The following SRC variants were observed in gnomAD, a reference collection of about 807,000 sequenced individuals.
SRC encodes SRC proto-oncogene, non-receptor tyrosine kinase.
A neutral mutation model predicts 62.9 loss-of-function variants in SRC; 13 were observed. That is an observed-to-expected ratio of 0.21 (90% CI 0.13 to 0.33). The LOEUF is 0.33. Ranked by LOEUF, SRC falls within the 10% of genes least tolerant of loss-of-function variation. The pLI, the probability that SRC is intolerant of heterozygous loss-of-function variation, is 1.00. For missense variants in SRC, 457 were observed against 737.3 expected (o/e 0.62, Z 4.40); for synonymous variants, 302 against 317.5 (o/e 0.95, Z 0.52).
chr20:37,386,247 G>T (rs1477482276), intron 5 of SRC, 73 bp downstream of exon 5: 3 of 1,424,204 alleles, frequency 2.1e-6, no homozygotes, highest in Non-Finnish European at 3.0e-6. Context: ...GCTCATGCAG[G>T]ATCTGGCATC....
At position 37,353,862 on chromosome 20, in the gene SRC, C is replaced by G. The variant is rs533048842; in HGVS notation, c.-247+7607C>G. Among the ~76,000 whole-genome samples, 3 of 152,330 alleles carry G rather than the reference C, an allele frequency of 2.0e-5. No individual in the cohort carries two copies. In the South Asian group the frequency reaches 6.2e-4, roughly 32 times the overall value. ...AGACAGGGAGACTTCTCCTCTACCCCCAACTGCTGTCACCCACTAGCTGTG... is the reference window on the plus strand; with the variant it reads ...AGACAGGGAGACTTCTCCTCTACCCGCAACTGCTGTCACCCACTAGCTGTG... On this transcript the variant is annotated intron_variant, in intron 1 of 13. Transcript: ENST00000373578.
At chr20:37,357,551 A>G (rs552423921) in intron 1 of SRC, among the ~76,000 whole-genome samples, 41 of 152,342 alleles carry the variant, frequency 2.7e-4, no homozygotes, top group Admixed American at 6.5e-5. Context: ...GCTGCAGAGT[A>G]TTAAATTATA....
At chr20:37,388,065 G>A (rs999701072) in intron 5 of SRC, among the ~76,000 whole-genome samples, 41 of 152,322 alleles carry the variant, frequency 2.7e-4, no homozygotes, top group African/African-American at 9.4e-4. Context: ...GGCCACAGGA[G>A]GGAGAGGCCC....
At chr20:37,345,830 C>T (rs2069707607), upstream of SRC, among the ~76,000 whole-genome samples, 1 of 148,986 alleles carries the variant, frequency 6.7e-6, no homozygotes, top group South Asian at 2.2e-4. Flanking sequence ...TTGGGGAGGG[C>T]ATTTTGGCCT....
intron 10 of SRC, 22 bp downstream of exon 10, chr20:37,400,316 C>A: frequency 6.3e-7 from 1 of 1,587,768 alleles, no homozygotes; most frequent in African/African-American, 1.3e-5. Context: ...GCGGCCGGGG[C>A]AGGGGGCAGG....
At chr20:37,367,187 C>T (rs2070076784) in intron 2 of SRC, among the ~76,000 whole-genome samples, 1 of 149,102 alleles carries the variant, frequency 6.7e-6, no homozygotes, top group Non-Finnish European at 1.5e-5. Flanking sequence ...ATCCTCTCAT[C>T]TCAGCCTCCC....
chr20:37,358,054 C>T (rs900660770), intron 1 of SRC, among the ~76,000 whole-genome samples: 1 of 152,120 alleles, frequency 6.6e-6, no homozygotes, highest in Non-Finnish European at 1.5e-5. Flanking sequence ...TGGTATTAAG[C>T]AGGAACGAAG....
chr20:37,353,063 G>A (rs1033128671), intron 1 of SRC, among the ~76,000 whole-genome samples: 1 of 152,044 alleles, frequency 6.6e-6, no homozygotes, highest in Non-Finnish European at 1.5e-5. Flanking sequence ...TGCCTCTAAG[G>A]GAATATGGTA....
intron 2 of SRC, among the ~76,000 whole-genome samples, chr20:37,381,112 C>T (rs532330760): frequency 6.6e-6 from 1 of 152,284 alleles, no homozygotes; most frequent in South Asian, 2.1e-4. Context: ...TAACCTCAAC[C>T]GTCTGCCTCT....
chr20:37,360,100 G>A (rs1489134447), intron 1 of SRC, among the ~76,000 whole-genome samples: 1 of 151,446 alleles, frequency 6.6e-6, no homozygotes, highest in Non-Finnish European at 1.5e-5. Flanking sequence ...CTTATTTCAC[G>A]TGTGAAATAT....
chr20:37,360,251 TCTCA>T (rs1302064327), intron 1 of SRC, among the ~76,000 whole-genome samples: 1 of 125,868 alleles, frequency 7.9e-6, no homozygotes, highest in Non-Finnish European at 1.6e-5. Flanking sequence ...TGAGACAGGG[TCTCA>T]CTCTGTCACC....
In SRC at chr20:37,403,766, G is replaced by A. The variant is rs2070780711; in HGVS notation, c.*387G>A. The A allele has an allele frequency of 1.7e-5, 5 of 294,854 alleles. No homozygotes were observed. The highest frequency in any genetic ancestry group is 6.2e-5 in the African/African-American group (3 of 48,452). 18.3% of individuals were successfully genotyped at this position (294,854 alleles called of 1,614,324 possible). Reference sequence around the variant, plus strand: ...CCTTCCCCACTTCTGTGCCACCCCCGGTCTATGTCGAGAGCTGGCCAAAGA... The same window carrying A: ...CCTTCCCCACTTCTGTGCCACCCCCAGTCTATGTCGAGAGCTGGCCAAAGA... On this transcript the variant is annotated 3_prime_UTR_variant, in exon 14 of 14. Coordinates refer to ENST00000373578, the MANE Select transcript of SRC (RefSeq NM_198291.3). This position sits in a 1 kb window ranked among gnomAD's most constrained non-coding sequence, Gnocchi z 7.1.
chr20:37,365,359 C>G (rs1294890934), intron 2 of SRC, 82 bp downstream of exon 2: 2 of 151,470 alleles, frequency 1.3e-5, no homozygotes, highest in Non-Finnish European at 2.9e-5. Flanking sequence ...CACACACACA[C>G]ACACACACAC....
chr20:37,352,613 G>T (rs940457777), intron 1 of SRC, among the ~76,000 whole-genome samples: 1 of 152,182 alleles, frequency 6.6e-6, no homozygotes, highest in Admixed American at 6.5e-5. Flanking sequence ...TTCAAAGGTG[G>T]ATTCTATTTG....
intron 1 of SRC, among the ~76,000 whole-genome samples, chr20:37,362,230 AT>A (rs976455911): frequency 1.4e-4 from 20 of 140,538 alleles, no homozygotes; most frequent in Admixed American, 4.2e-4. Flanking sequence ...TTTTTTTTCT[AT>A]TTTTTTTTTG....
chr20:37,386,361 C>G lies in SRC; in HGVS notation c.350+187C>G, dbSNP rs558099658. On this transcript the variant is annotated intron_variant, in intron 5 of 13. Transcript: ENST00000373578. ...TGGGCAGCACCTGCTGTTGCTCCCC[C>G]AGCCATGGGGAACTCCTCCCAATCC... 2.1e-4 allele frequency: 156 copies of G among 726,538 alleles called. 1 individual carries two copies. The Middle Eastern group carries it at 2.5e-3, about 12-fold the overall frequency. The allele number at this position is 726,538 out of a possible 1,614,324, so 45.0% of individuals were successfully genotyped here.
chr20:37,356,678 GC>G (rs1039950096), intron 1 of SRC, among the ~76,000 whole-genome samples: 2 of 152,216 alleles, frequency 1.3e-5, no homozygotes, highest in Admixed American at 1.3e-4. Context: ...TGGGGTTAGG[GC>G]CCGGCCTCCC....
intron 2 of SRC, among the ~76,000 whole-genome samples, chr20:37,368,691 T>C (rs1199159723): frequency 6.7e-6 from 1 of 149,348 alleles, no homozygotes; most frequent in Non-Finnish European, 1.5e-5. Context: ...TAGCTGGGAC[T>C]ACAGGCGCCC....
At chr20:37,379,275 AC>A (rs1267996909) in intron 2 of SRC, among the ~76,000 whole-genome samples, 1 of 151,470 alleles carries the variant, frequency 6.6e-6, no homozygotes, top group Non-Finnish European at 1.5e-5. Context: ...CTTCCCCTTG[AC>A]CCCCGCAAGG....
Sources: gnomAD v4.1 joint callset for allele counts (sites outside exome capture counted in the v4.1 genomes callset) on GRCh38, gnomAD v4.1.1 for gene constraint, Gnocchi (gnomAD v3.1) non-coding constraint, MANE v1.5 for transcripts, NCBI Gene and HGNC (gene_info 2026-07-23, HGNC 2026-07-21) for gene names.